Variants in OR13A1 observed in about 807,000 individuals in gnomAD.
The protein encoded by OR13A1 is olfactory receptor 13A1.
OR13A1 carries 10 observed loss-of-function variants against 7.5 expected under a neutral mutation model. The ratio of observed to expected loss-of-function variants is 1.34; its 90% CI spans 0.83 to 2.27. OR13A1 has a LOEUF of 2.27. Among genes scored for constraint, OR13A1 ranks in the 30% most tolerant of loss-of-function variants. The pLI, the probability that OR13A1 is intolerant of heterozygous loss-of-function variation, is 0.00. For missense variants in OR13A1, 509 were observed against 419.1 expected, an observed-to-expected ratio of 1.21 and a Z score of -1.87; for synonymous variants, 238 against 177.9, an observed-to-expected ratio of 1.34 and a Z score of -2.69.
intron 1 of OR13A1, among the ~76,000 whole-genome samples, chr10:45,313,118 T>A (rs1478603124): frequency 6.6e-6 from 1 of 152,108 alleles, no homozygotes; most frequent in Non-Finnish European, 1.5e-5. Context: ...ACATTACATA[T>A]GAAGATGTAA....
chr10:45,303,921 G>A lies in OR13A1; in HGVS notation c.502C>T (p.Leu168=), dbSNP rs555305442. 225 of 1,613,770 alleles carry A rather than the reference G, an allele frequency of 1.4e-4. 2 individuals carry two copies. The South Asian group carries it at 2.4e-3, about 17-fold the overall frequency. The stretch of plus-strand genomic sequence containing the variant: ...ATGGCCGTGTTGACGGCGCAGAGCA[G>A]CCACACGGCTGTGGCCAGCCCGCTG... The part of the protein sequence containing the change: ...FCSGLATAVW[L]LCAVNTAIHT... The change falls in exon 4 of 4, where the codon CTG becomes TTG. Residue 168 remains leucine, a synonymous_variant. Transcript: ENST00000553795.
intron 1 of OR13A1, among the ~76,000 whole-genome samples, chr10:45,309,917 C>T (rs566521304): frequency 6.6e-6 from 1 of 152,250 alleles, no homozygotes; most frequent in East Asian, 1.9e-4. Context: ...CTCTCTGAAT[C>T]CCAATTTTTC....
Position 45,304,018 on chromosome 10 carries a change from G to T in OR13A1, c.405C>A (p.Val135=). The T allele has an allele frequency of 6.2e-7, 1 of 1,612,992 alleles. No homozygotes were observed. Among genetic ancestry groups the T allele is most frequent in the South Asian group, 1.1e-5 (1 of 90,966 alleles). Residue 135 remains valine, a synonymous_variant, in exon 4 of 4, where the codon GTC becomes GTA. Coordinates refer to ENST00000553795, the MANE Select transcript of OR13A1 (RefSeq NM_001004297.3). Reference sequence around the variant, plus strand: ...TGGCTGCGTACCGGTCATAGGCCATGACCGTGAGGAGCAGCAGCTCTGAGG... The same window carrying T: ...TGGCTGCGTACCGGTCATAGGCCATTACCGTGAGGAGCAGCAGCTCTGAGG... ...AASSELLLLT[V]MAYDRYAAIC...
In OR13A1 at chr10:45,303,640, G is replaced by A; in HGVS notation, c.783C>T (p.Ser261=). Residue 261 remains serine, a synonymous_variant, in exon 4 of 4, where the codon TCC becomes TCT. Transcript: ENST00000553795. Reference sequence around the variant, plus strand: ...AATACATGCACACCACGGTGAGGTGGGAAGAGCAGGTGGAGAAGGCTTTCT... The same window carrying A: ...AATACATGCACACCACGGTGAGGTGAGAAGAGCAGGTGGAGAAGGCTTTCT... ...GRQKAFSTCS[S]HLTVVCMYYT... is the part of the protein sequence containing the mutation. The A allele has an allele frequency of 1.9e-6, 3 of 1,614,164 alleles. No individual in the cohort carries two copies. Among genetic ancestry groups the A allele is most frequent in the Non-Finnish European group, 2.5e-6 (3 of 1,180,032 alleles).
chr10:45,314,184 G>A (rs1018698983), intron 1 of OR13A1, among the ~76,000 whole-genome samples: 2 of 151,944 alleles, frequency 1.3e-5, no homozygotes, highest in African/African-American at 4.8e-5. Context: ...AAATCACAAG[G>A]GAAGTTAGAA....
At position 45,307,752 on chromosome 10, in the gene OR13A1, G is replaced by A. The variant is rs1838363498; in HGVS notation, c.-168C>T. 2 of 152,170 alleles carry A rather than the reference G, an allele frequency of 1.3e-5. No homozygotes were observed. Among genetic ancestry groups the A allele is most frequent in the South Asian group, 4.2e-4 (2 of 4,818 alleles). 9.4% of individuals were successfully genotyped at this position (152,170 alleles called of 1,614,324 possible). A position where few individuals can be genotyped will look rare whatever the true frequency, so the allele number is the denominator to read the frequency against. On this transcript the variant is annotated 5_prime_UTR_variant, in exon 2 of 4. Coordinates refer to ENST00000553795, the MANE Select transcript of OR13A1 (RefSeq NM_001004297.3). ...ATGACATCTCACCAGCAGGCCAACA[G>A]GATATTCGAACAGCGGTTATTTTCC...
intron 1 of OR13A1, among the ~76,000 whole-genome samples, chr10:45,308,077 T>G (rs1465585169): frequency 6.6e-6 from 1 of 152,232 alleles, no homozygotes; most frequent in Non-Finnish European, 1.5e-5. Context: ...CTAAAGCTGT[T>G]CAATGATTTT....
intron 3 of OR13A1, among the ~76,000 whole-genome samples, chr10:45,305,117 C>G (rs1838300564): frequency 6.6e-6 from 1 of 151,950 alleles, no homozygotes; most frequent in Non-Finnish European, 1.5e-5. Flanking sequence ...TGTCTGTAAT[C>G]CCAGCTACTT....
rs1838251803 is a variant in OR13A1 at position 45,303,541 on chromosome 10, C to A, written c.882G>T (p.Leu294=). The change falls in exon 4 of 4, where the codon CTG becomes CTT. Residue 294 remains leucine (L), a synonymous_variant. Coordinates refer to ENST00000553795, the MANE Select transcript of OR13A1 (RefSeq NM_001004297.3). ...YSAGKSKLAG[L]LYTVLSPTLN... is the part of the protein sequence containing the mutation. ...GGGTAGGACTCAGCACAGTGTACAG[C>A]AGGCCAGCCAACTTGCTCTTCCCTG... is the stretch of plus-strand genomic sequence containing the variant. 1.9e-6 allele frequency: 3 copies of A among 1,614,136 alleles called. No individual in the cohort carries two copies. The highest frequency in any genetic ancestry group is 2.5e-6 in the Non-Finnish European group (3 of 1,180,046).
At chr10:45,312,358 G>T (rs923857954) in intron 1 of OR13A1, among the ~76,000 whole-genome samples, 1 of 151,714 alleles carries the variant, frequency 6.6e-6, no homozygotes, top group Non-Finnish European at 1.5e-5. Flanking sequence ...GAGTAAAAAG[G>T]CACATTAAGT....
intron 3 of OR13A1, among the ~76,000 whole-genome samples, chr10:45,306,270 C>T (rs916597863): frequency 1.3e-5 from 2 of 151,960 alleles, no homozygotes; most frequent in African/African-American, 2.4e-5. Context: ...CTGGCTAACA[C>T]GGTGAAACCC....
chr10:45,304,836 C>T (rs1403483741), intron 3 of OR13A1, among the ~76,000 whole-genome samples: 1 of 152,184 alleles, frequency 6.6e-6, no homozygotes, highest in Non-Finnish European at 1.5e-5. Context: ...CTGAAGGTGT[C>T]AGAGCAGCAC....
chr10:45,303,154 G>A lies in OR13A1; in HGVS notation c.*282C>T, dbSNP rs921221889. ...ATGTGGCTATGAGTTGAAAACACAA[G>A]GAACACTTTTCTCCTCCTAGGCCCT... On this transcript the variant is annotated 3_prime_UTR_variant, in exon 4 of 4. Transcript: ENST00000553795. 1.1e-5 allele frequency: 4 copies of A among 378,940 alleles called. No individual in the cohort carries two copies. The highest frequency in any genetic ancestry group is 6.2e-5 in the African/African-American group (3 of 48,552). The allele number at this position is 378,940 out of a possible 1,614,324, so 23.5% of individuals were successfully genotyped here. A position where few individuals can be genotyped will look rare whatever the true frequency, so the allele number is the denominator to read the frequency against.
Position 45,303,348 on chromosome 10 carries a change from A to T in OR13A1, c.*88T>A. On this transcript the variant is annotated 3_prime_UTR_variant, in exon 4 of 4. Transcript: ENST00000553795. ...AGGTTCTGCTGGGTTAGAAAAAACAAGTCTATTTACCTCCCAGTCCAGAAA... is the reference window on the plus strand; with the variant it reads ...AGGTTCTGCTGGGTTAGAAAAAACATGTCTATTTACCTCCCAGTCCAGAAA... 7.3e-7 allele frequency: 1 copy of T among 1,368,328 alleles called. No individual in the cohort carries two copies. The highest frequency in any genetic ancestry group is 1.0e-6 in the Non-Finnish European group (1 of 1,000,712). 84.8% of individuals were successfully genotyped at this position (1,368,328 alleles called of 1,614,324 possible).
At chr10:45,314,801 T>C (rs1477036205) in intron 1 of OR13A1, among the ~76,000 whole-genome samples, 1 of 152,134 alleles carries the variant, frequency 6.6e-6, no homozygotes, top group East Asian at 1.9e-4. Flanking sequence ...TGTCAACAAA[T>C]TGGATAATTT....
chr10:45,313,906 T>C (rs1838482903), intron 1 of OR13A1, among the ~76,000 whole-genome samples: 1 of 152,098 alleles, frequency 6.6e-6, no homozygotes, highest in Admixed American at 6.6e-5. Flanking sequence ...ACACTATAAA[T>C]AGTGCTAACA....
intron 1 of OR13A1, among the ~76,000 whole-genome samples, chr10:45,315,262 T>C (rs72784589): frequency 0.19 from 28,311 of 151,800 alleles, 4,026 homozygotes; most frequent in African/African-American, 0.39. Flanking sequence ...TGCAGTGAGC[T>C]GAGGTCATGC....
chr10:45,304,919 T>C (rs905369228), intron 3 of OR13A1, among the ~76,000 whole-genome samples: 5 of 152,204 alleles, frequency 3.3e-5, no homozygotes, highest in African/African-American at 1.2e-4. Flanking sequence ...TTGATATAAA[T>C]GCTGTCTAAT....
chr10:45,303,534 T>A lies in OR13A1; in HGVS notation c.889A>T (p.Thr297Ser). Residue 297 changes from threonine (T) to serine (S), a missense_variant, in exon 4 of 4, where the codon ACT becomes TCT. Coordinates refer to ENST00000553795, the MANE Select transcript of OR13A1 (RefSeq NM_001004297.3). ...GGGTTGAGGGTAGGACTCAGCACAGTGTACAGCAGGCCAGCCAACTTGCTC... is the reference window on the plus strand; with the variant it reads ...GGGTTGAGGGTAGGACTCAGCACAGAGTACAGCAGGCCAGCCAACTTGCTC... ...GKSKLAGLLY[T>S]VLSPTLNPLI... 1 of 1,614,062 alleles carries A rather than the reference T, an allele frequency of 6.2e-7. No homozygotes were observed. Among genetic ancestry groups the A allele is most frequent in the Non-Finnish European group, 8.5e-7 (1 of 1,180,020 alleles).
Sources: allele counts gnomAD v4.1 joint callset (sites outside exome capture counted in the v4.1 genomes callset), GRCh38; gene constraint gnomAD v4.1.1; transcripts MANE v1.5; gene names NCBI Gene and HGNC (gene_info 2026-07-23, HGNC 2026-07-21).